THADA: variants seen among roughly 807,000 people sequenced by gnomAD.
The protein encoded by THADA is tRNA (32-2'-O)-methyltransferase regulator THADA.
THADA carries 213 observed loss-of-function variants against 219.8 expected under a neutral mutation model. The ratio of observed to expected loss-of-function variants is 0.97; its 90% CI spans 0.87 to 1.09. THADA has a LOEUF of 1.09. Among genes scored for constraint, THADA ranks in the 50% least tolerant of loss-of-function variants. THADA has a pLI of 0.00. For synonymous variants in THADA, 1,018 were observed against 828.9 expected (o/e 1.23, Z -3.92); for missense variants, 2,956 against 2,311.3 (o/e 1.28, Z -5.72).
Position 43,265,579 on chromosome 2 carries a change from G to C in THADA, c.5296+14186C>G, listed in dbSNP as rs1671425010. 2.0e-5 allele frequency among the ~76,000 whole-genome samples: 3 copies of C among 152,090 alleles called. No individual in the cohort carries two copies. The South Asian group carries it at 6.2e-4, about 32-fold the overall frequency. ...CCCCACGGAGTTATTTATGAAGAAG[G>C]TTCCCAGCCAGTCTGCCTGCCAAGC... On this transcript the variant is annotated intron_variant, in intron 36 of 37. Coordinates refer to ENST00000405975, the MANE Select transcript of THADA (RefSeq NM_022065.5).
chr2:43,510,912 A>C (rs1356228369), intron 22 of THADA, among the ~76,000 whole-genome samples: 1 of 151,978 alleles, frequency 6.6e-6, no homozygotes, highest in Non-Finnish European at 1.5e-5. Flanking sequence ...CAGAGACTGC[A>C]GCGAGCCAAG....
At chr2:43,392,505 A>G (rs1256869173) in intron 29 of THADA, among the ~76,000 whole-genome samples, 1 of 151,982 alleles carries the variant, frequency 6.6e-6, no homozygotes, top group Non-Finnish European at 1.5e-5. Flanking sequence ...CCTTCATACA[A>G]CTAGCTGGCC....
rs1388932407 is a variant in THADA, at chr2:43,416,776, G to A, written c.4058+11324C>T. On this transcript the variant is annotated intron_variant, in intron 28 of 37. Coordinates refer to ENST00000405975, the MANE Select transcript of THADA (RefSeq NM_022065.5). ...ATAAAATTGGCAAACCAAGGGCGGTGTGAACCCACTTCAGAGGCCTTGGAG... is the reference window on the plus strand; with the variant it reads ...ATAAAATTGGCAAACCAAGGGCGGTATGAACCCACTTCAGAGGCCTTGGAG... Among the ~76,000 whole-genome samples, 13 of 152,286 alleles carry A rather than the reference G, an allele frequency of 8.5e-5. No homozygotes were observed. In the South Asian group the frequency reaches 1.9e-3, roughly 22 times the overall value.
intron 15 of THADA, among the ~76,000 whole-genome samples, chr2:43,561,032 A>G (rs899184867): frequency 6.6e-6 from 1 of 151,172 alleles, no homozygotes. Flanking sequence ...AAAAAAAAAA[A>G]AAAAAAGCAA....
chr2:43,552,761 T>C (rs1696892941), intron 17 of THADA, among the ~76,000 whole-genome samples: 2 of 151,340 alleles, frequency 1.3e-5, no homozygotes, highest in Non-Finnish European at 1.5e-5. Context: ...TGTACAACCA[T>C]CACCATAATT....
intron 3 of THADA, among the ~76,000 whole-genome samples, 152 bp from the exon 4 acceptor site, chr2:43,591,106 A>T (rs1701517682): frequency 6.6e-6 from 1 of 152,146 alleles, no homozygotes; most frequent in African/African-American, 2.4e-5. Context: ...AGATCGCTTG[A>T]GCCCAGGAGA....
chr2:43,260,918 A>G (rs1432933458), intron 36 of THADA, among the ~76,000 whole-genome samples: 2 of 152,180 alleles, frequency 1.3e-5, no homozygotes, highest in Non-Finnish European at 2.9e-5. Flanking sequence ...GGCCTCATTC[A>G]TCTTTGGTTG....
chr2:43,495,287 T>C (rs1313825346), intron 25 of THADA, among the ~76,000 whole-genome samples: 2 of 152,170 alleles, frequency 1.3e-5, no homozygotes, highest in African/African-American at 4.8e-5. Flanking sequence ...ATGATATTTA[T>C]TTCCTCTAGT....
chr2:43,545,880 C>G (rs2103846136), intron 20 of THADA, among the ~76,000 whole-genome samples: 1 of 152,254 alleles, frequency 6.6e-6, no homozygotes, highest in East Asian at 1.9e-4. Flanking sequence ...TCCTTCAGTT[C>G]TGCTCTGACT....
chr2:43,508,557 T>C, intron 23 of THADA, 91 bp downstream of exon 23: 1 of 1,294,938 alleles, frequency 7.7e-7, no homozygotes, highest in Non-Finnish European at 1.1e-6. Flanking sequence ...CCTTTATGTG[T>C]AATACGCTCA....
At chr2:43,544,463 G>A (rs1695749150) in intron 20 of THADA, among the ~76,000 whole-genome samples, 1 of 152,098 alleles carries the variant, frequency 6.6e-6, no homozygotes, top group Non-Finnish European at 1.5e-5. Flanking sequence ...AATTACCTTG[G>A]GCAGTATGGC....
chr2:43,356,372 G>T (rs1393473531), intron 29 of THADA, among the ~76,000 whole-genome samples: 1 of 152,064 alleles, frequency 6.6e-6, no homozygotes, highest in African/African-American at 2.4e-5. Flanking sequence ...TAATCAGCAG[G>T]TAAAAGTGTT....
intron 20 of THADA, among the ~76,000 whole-genome samples, chr2:43,543,129 G>A (rs547859311): frequency 5.3e-5 from 8 of 149,738 alleles, no homozygotes; most frequent in East Asian, 2.0e-4. Context: ...GTGGTGTTTC[G>A]TTTTTTGTTC....
intron 13 of THADA, 129 bp downstream of exon 13, chr2:43,571,578 G>A (rs1358344260): frequency 1.9e-5 from 16 of 855,170 alleles, no homozygotes; most frequent in East Asian, 1.2e-4. Flanking sequence ...CAGAACGGCC[G>A]TCATGAACAG....
In THADA at chr2:43,566,772, C is replaced by G. The variant is rs751812633; in HGVS notation, c.2237G>C (p.Gly746Ala). 2 of 1,553,118 alleles carry G rather than the reference C, an allele frequency of 1.3e-6. No individual in the cohort carries two copies. The highest frequency in any genetic ancestry group is 4.5e-5 in the East Asian group (2 of 44,024). ...CNSLFEALFP[G>A]SSYSTRFSAL... ...TGAAAATCTAGTCGAGTAGGAAGAT[C>G]CAGGAAACAATGCTTCAAAAAGACT... is the stretch of plus-strand genomic sequence containing the variant. The change falls in exon 15 of 38, where the codon GGA (glycine) becomes GCA (alanine). Residue 746 changes from glycine (G) to alanine (A), a missense_variant. Coordinates refer to ENST00000405975, the MANE Select transcript of THADA (RefSeq NM_022065.5).
At chr2:43,443,142 C>A (rs1170483080) in intron 26 of THADA, among the ~76,000 whole-genome samples, 2 of 152,180 alleles carry the variant, frequency 1.3e-5, no homozygotes, top group Non-Finnish European at 2.9e-5. Flanking sequence ...GAAACCATAG[C>A]TGACTTCATT....
chr2:43,563,002 C>G (rs1365775648), intron 15 of THADA: 1 of 152,094 alleles, frequency 6.6e-6, no homozygotes, highest in Non-Finnish European at 1.5e-5. Flanking sequence ...ATTTGTTAAT[C>G]TTTAAAAAAC....
chr2:43,238,282 G>GGA lies in THADA; in HGVS notation c.5297-5402_5297-5401dup, dbSNP rs1314477879. Among the ~76,000 whole-genome samples, 4 of 152,092 alleles carry GGA rather than the reference G, an allele frequency of 2.6e-5. No homozygotes were observed. The South Asian group carries it at 6.2e-4, about 24-fold the overall frequency. On this transcript the variant is annotated intron_variant, in intron 36 of 37. Transcript: ENST00000405975. ...AAGTGAAAGGATAATTCACAGAAAGGGAGAAAATATGAACAAATCCTGTCT... is the reference window on the plus strand; with the variant it reads ...AAGTGAAAGGATAATTCACAGAAAGGGAGAGAAAATATGAACAAATCCTGTCT...
intron 26 of THADA, among the ~76,000 whole-genome samples, chr2:43,473,053 T>TTA (rs1685101783): frequency 6.6e-6 from 1 of 152,152 alleles, no homozygotes; most frequent in African/African-American, 2.4e-5. Flanking sequence ...ACTGGAGACT[T>TTA]TATAAACACT....
Sources: allele counts gnomAD v4.1 joint callset (sites outside exome capture counted in the v4.1 genomes callset), GRCh38; gene constraint gnomAD v4.1.1; transcripts MANE v1.5; gene names NCBI Gene and HGNC (gene_info 2026-07-23, HGNC 2026-07-21).